Variants in FGD4 observed in about 807,000 individuals in gnomAD.
FGD4 encodes the protein FYVE, RhoGEF and PH domain-containing protein 4.
A neutral mutation model predicts 102.0 loss-of-function variants in FGD4; 42 were observed. The observed-to-expected ratio is 0.41, with a 90% CI of 0.32 to 0.53. The LOEUF is 0.53. FGD4 is among the 20% of genes least tolerant of loss of function. The pLI is 0.21. For missense variants in FGD4, 902 were observed against 1,078.2 expected (o/e 0.84, Z 2.29); for synonymous variants, 380 against 375.7 (o/e 1.01, Z -0.13).
intron 10 of FGD4, among the ~76,000 whole-genome samples, chr12:32,611,902 C>T (rs561929774): frequency 1.3e-5 from 2 of 152,336 alleles, no homozygotes; most frequent in South Asian, 2.1e-4. Flanking sequence ...CTCAGGGGCC[C>T]GGGAAGCCCC....
At chr12:32,574,566 A>AAT (rs1945978103) in intron 2 of FGD4, among the ~76,000 whole-genome samples, 2 of 152,216 alleles carry the variant, frequency 1.3e-5, no homozygotes, top group Non-Finnish European at 2.9e-5. Context: ...TATGTTGGAA[A>AAT]ATATCATTTT....
intron 1 of FGD4, among the ~76,000 whole-genome samples, chr12:32,480,750 T>C (rs542488811): frequency 1.3e-5 from 2 of 150,724 alleles, no homozygotes; most frequent in East Asian, 2.0e-4. Flanking sequence ...CCGCCCTCCT[T>C]GGCCCCCCAA....
In FGD4 at chr12:32,506,053, AG is replaced by A. The variant is rs1938699896; in HGVS notation, c.167-58083del. ...AACCTGAGGCCCATAAAGATTAAGC[AG>A]CTTTTCCAAGGTCAGGAAACCTGTG... On this transcript the variant is annotated intron_variant, in intron 1 of 16. Transcript: ENST00000534526. This position sits in a 1 kb window ranked among gnomAD's most constrained non-coding sequence, Gnocchi z 4.5. 6.6e-6 allele frequency among the ~76,000 whole-genome samples: 1 copy of A among 152,220 alleles called. No individual in the cohort carries two copies. The highest frequency in any genetic ancestry group is 6.5e-5 in the Admixed American group (1 of 15,288).
chr12:32,606,805 C>T (rs61926195), intron 7 of FGD4, among the ~76,000 whole-genome samples: 1,712 of 152,240 alleles, frequency 0.011, 19 homozygotes, highest in South Asian at 0.057. Flanking sequence ...CTTTTGTTAA[C>T]AGTTTCTTGG....
At chr12:32,564,042 A>AGT in intron 1 of FGD4, 95 bp from the exon 2 acceptor site, 5 of 1,024,690 alleles carry the variant, frequency 4.9e-6, no homozygotes, top group Non-Finnish European at 6.6e-6. Flanking sequence ...GGGGAGGGGG[A>AGT]GGGAGAGGGA....
intron 1 of FGD4, among the ~76,000 whole-genome samples, chr12:32,510,801 T>C (rs890234195): frequency 6.6e-6 from 1 of 152,248 alleles, no homozygotes; most frequent in African/African-American, 2.4e-5. Context: ...GATTCATCTA[T>C]CAGGTACGTG....
chr12:32,624,733 C>T (rs1227712915), intron 12 of FGD4: 6 of 645,810 alleles, frequency 9.3e-6, no homozygotes, highest in Non-Finnish European at 1.4e-5. Flanking sequence ...CTCGGTCTCC[C>T]AAAGTGCTGG....
In FGD4 at chr12:32,642,646, T is replaced by TG; in HGVS notation, c.*2113_*2114insG. 6.6e-6 allele frequency: 1 copy of TG among 152,102 alleles called. No individual in the cohort carries two copies. The highest frequency in any genetic ancestry group is 1.5e-5 in the Non-Finnish European group (1 of 67,966). 9.4% of individuals were successfully genotyped at this position (152,102 alleles called of 1,614,324 possible). On this transcript the variant is annotated 3_prime_UTR_variant, in exon 17 of 17. Transcript: ENST00000534526. ...AATACTCATGTAAAGATAATGTTTA[T>TG]TATCATGCTCTTAACAGTCATTATC...
At chr12:32,442,279 T>C (rs1027943542) in intron 1 of FGD4, among the ~76,000 whole-genome samples, 6 of 152,058 alleles carry the variant, frequency 3.9e-5, no homozygotes, top group Non-Finnish European at 8.8e-5. Flanking sequence ...GGTCTTGATC[T>C]CCTGACCTTG....
At chr12:32,604,669 A>G (rs932466842) in intron 7 of FGD4, among the ~76,000 whole-genome samples, 1 of 152,064 alleles carries the variant, frequency 6.6e-6, no homozygotes, top group Non-Finnish European at 1.5e-5. Context: ...TATGTTGCCC[A>G]CCACTCCAAA....
At chr12:32,468,391 A>G (rs560469531) in intron 1 of FGD4, among the ~76,000 whole-genome samples, 1 of 152,282 alleles carries the variant, frequency 6.6e-6, no homozygotes, top group Admixed American at 6.5e-5. Flanking sequence ...TGACCGACAC[A>G]GGAAACAGCT....
At chr12:32,412,456 TC>T (rs1279573082) in intron 1 of FGD4, among the ~76,000 whole-genome samples, 1 of 152,164 alleles carries the variant, frequency 6.6e-6, no homozygotes, top group Admixed American at 6.5e-5. Context: ...GGGTGGAAAT[TC>T]CTTGCGCTCC....
chr12:32,423,071 C>G (rs1248906166), intron 1 of FGD4, among the ~76,000 whole-genome samples: 1 of 152,034 alleles, frequency 6.6e-6, no homozygotes, highest in Non-Finnish European at 1.5e-5. Flanking sequence ...TTTTTAATAT[C>G]ACTGAACTTG....
intron 15 of FGD4, 133 bp downstream of exon 15, chr12:32,633,822 T>C: frequency 1.3e-6 from 1 of 799,480 alleles, no homozygotes; most frequent in East Asian, 3.0e-5. Context: ...TTGCTGGAAT[T>C]ACAGGCCCAC....
intron 1 of FGD4, among the ~76,000 whole-genome samples, chr12:32,474,080 T>G (rs1027188467): frequency 6.7e-6 from 1 of 149,676 alleles, no homozygotes; most frequent in Non-Finnish European, 1.5e-5. Context: ...AGTGCGAGAC[T>G]CTGTCTCAAA....
intron 13 of FGD4, 117 bp from the exon 14 acceptor site, chr12:32,625,537 T>C: frequency 7.5e-7 from 1 of 1,336,216 alleles, no homozygotes; most frequent in Non-Finnish European, 1.0e-6. Flanking sequence ...CCGAAAGTGC[T>C]GGGATTATAG....
In FGD4 at chr12:32,552,909, C is replaced by T. The variant is rs1351657358; in HGVS notation, c.167-11228C>T. 2.0e-5 allele frequency among the ~76,000 whole-genome samples: 3 copies of T among 150,704 alleles called. No individual in the cohort carries two copies. In the South Asian group the frequency reaches 6.3e-4, roughly 32 times the overall value. On this transcript the variant is annotated intron_variant, in intron 1 of 16. Coordinates refer to ENST00000534526, the MANE Select transcript of FGD4 (RefSeq NM_001370298.3). ...TCTCCTACCTCAGCCTCTTGAGTAG[C>T]TGGGATTACAGGCATGCGCCACCAC...
chr12:32,443,546 T>G (rs988023496), intron 1 of FGD4, among the ~76,000 whole-genome samples: 14 of 149,380 alleles, frequency 9.4e-5, no homozygotes, highest in South Asian at 2.1e-4. Context: ...TTTTTTTTTT[T>G]TTTTTTTTTT....
At chr12:32,418,801 G>A (rs553493142) in intron 1 of FGD4, among the ~76,000 whole-genome samples, 1 of 152,302 alleles carries the variant, frequency 6.6e-6, no homozygotes, top group Admixed American at 6.5e-5. Context: ...CCTCCAGGGT[G>A]GTGAGTTCCC....
Sources: allele counts gnomAD v4.1 joint callset (sites outside exome capture counted in the v4.1 genomes callset), GRCh38; gene constraint gnomAD v4.1.1; non-coding constraint Gnocchi (gnomAD v3.1); transcripts MANE v1.5; gene names NCBI Gene and HGNC (gene_info 2026-07-23, HGNC 2026-07-21).